EIF2A: variants seen among roughly 807,000 people sequenced by gnomAD.
EIF2A encodes eukaryotic translation initiation factor 2A, also known as 65 kDa eukaryotic translation initiation factor 2A.
In EIF2A, 62 loss-of-function variants were observed where a neutral mutation model predicts 75.2. The ratio of observed to expected loss-of-function variants is 0.82; its 90% CI spans 0.67 to 1.02. EIF2A has a LOEUF of 1.02. EIF2A is among the 50% of genes least tolerant of loss of function. EIF2A has a pLI of 0.00. For missense variants in EIF2A, 611 were observed against 677.7 expected, an observed-to-expected ratio of 0.90 and a Z score of 1.09; for synonymous variants, 207 against 239.0, an observed-to-expected ratio of 0.87 and a Z score of 1.23.
At chr3:150,563,657 T>G (rs1393431716) in intron 5 of EIF2A, 43 bp downstream of exon 5, 1 of 1,336,884 alleles carries the variant, frequency 7.5e-7, no homozygotes, top group South Asian at 1.4e-5. Context: ...CATAGTATTT[T>G]TAATGTCATC....
chr3:150,552,459 A>C (rs1043223694), intron 2 of EIF2A, 34 bp downstream of exon 2: 2 of 1,516,378 alleles, frequency 1.3e-6, no homozygotes, highest in African/African-American at 2.8e-5. Context: ...TGTTATAGGG[A>C]ACATACAGTA....
chr3:150,558,266 TC>T (rs1163920272), intron 2 of EIF2A, 121 bp from the exon 3 acceptor site: 8 of 841,894 alleles, frequency 9.5e-6, no homozygotes, highest in Non-Finnish European at 1.2e-5. Context: ...TTTGGAATTT[TC>T]TGAAATTTGT....
rs1468468812 is a variant in EIF2A at position 150,563,612 on chromosome 3, T to C, written c.390T>C (p.Asn130=). 10 of 1,528,386 alleles carry C rather than the reference T, an allele frequency of 6.5e-6. No individual in the cohort carries two copies. The highest frequency in any genetic ancestry group is 8.8e-6 in the Non-Finnish European group (10 of 1,139,764). The allele number at this position is 1,528,386 out of a possible 1,614,324, so 94.7% of individuals were successfully genotyped here. Reference sequence around the variant, plus strand: ...CTTTCATCCAGAAAAAAATGCAAAATTGGTAAATAAATGGCTTAAAATACT... The same window carrying C: ...CTTTCATCCAGAAAAAAATGCAAAACTGGTAAATAAATGGCTTAAAATACT... The part of the protein sequence containing the change: ...LKSFIQKKMQ[N]WCPSWSEDET... Residue 130 remains asparagine (N), a splice_region_variant and synonymous_variant, in exon 5 of 14, where the codon AAT becomes AAC. Transcript: ENST00000460851.
intron 10 of EIF2A, among the ~76,000 whole-genome samples, chr3:150,574,260 A>T (rs1242810126): frequency 6.6e-6 from 1 of 152,220 alleles, no homozygotes; most frequent in African/African-American, 2.4e-5. Flanking sequence ...CGTAATGAGC[A>T]CATAGTACCA....
At position 150,562,605 on chromosome 3, in the gene EIF2A, T is replaced by A; in HGVS notation, c.237T>A (p.Val79=). The A allele has an allele frequency of 9.3e-6, 15 of 1,613,632 alleles. No homozygotes were observed. Among genetic ancestry groups the A allele is most frequent in the Non-Finnish European group, 1.3e-5 (15 of 1,179,710 alleles). ...LLHSFDLLKA[V]CLEFSPKNTV... ...ACTCCTTCGACCTCCTGAAGGCAGT[T>A]TGCCTTGAATTCTCACCCAAAAATA... Residue 79 remains valine (V), a synonymous_variant, in exon 4 of 14, where the codon GTT becomes GTA. Transcript: ENST00000460851.
At position 150,585,779 on chromosome 3, in the gene EIF2A, GGTAA is replaced by G. The variant is rs1253695135; in HGVS notation, c.*1871_*1874del. 6.6e-6 allele frequency among the ~76,000 whole-genome samples: 1 copy of G among 152,176 alleles called. No homozygotes were observed. The highest frequency in any genetic ancestry group is 1.5e-5 in the Non-Finnish European group (1 of 68,044). On this transcript the variant is annotated 3_prime_UTR_variant, in exon 14 of 14. Coordinates refer to ENST00000460851, the MANE Select transcript of EIF2A (RefSeq NM_032025.5). ...GTATTGGGAGATGGGCCTTTTGGAAGGTAAGTGTGTTTGAATGAGGTGAAGAGGT... is the reference window on the plus strand; with the variant it reads ...GTATTGGGAGATGGGCCTTTTGGAAGGTGTGTTTGAATGAGGTGAAGAGGT...
intron 2 of EIF2A, among the ~76,000 whole-genome samples, chr3:150,554,569 A>C (rs1051438063): frequency 1.3e-5 from 2 of 152,242 alleles, no homozygotes; most frequent in Admixed American, 1.3e-4. Context: ...TCATTAGATC[A>C]GCGGTAGGGC....
intron 11 of EIF2A, among the ~76,000 whole-genome samples, chr3:150,580,996 C>G (rs1387028536): frequency 6.6e-6 from 1 of 152,078 alleles, no homozygotes; most frequent in East Asian, 1.9e-4. Context: ...GTTACTGAAA[C>G]CATGGTTAAG....
chr3:150,580,962 T>G (rs565293219), intron 11 of EIF2A, among the ~76,000 whole-genome samples: 4 of 152,304 alleles, frequency 2.6e-5, no homozygotes, highest in Admixed American at 6.5e-5. Flanking sequence ...CCATGTAATA[T>G]TTTTGGGCTG....
chr3:150,552,501 T>C (rs533341494), intron 2 of EIF2A, 76 bp downstream of exon 2: 1 of 1,275,532 alleles, frequency 7.8e-7, no homozygotes. Context: ...GTGGTGTATT[T>C]TGAACAAGAA....
rs1559879035 is a variant in EIF2A, at chr3:150,564,287, T to C, written c.393-12T>C. ...ATATTTTTTATACTTTTTTTTTTTT[T>C]CATTGACATAGGTGTCCATCCTGGT... On this transcript the variant is annotated splice_polypyrimidine_tract_variant and intron_variant, in intron 5 of 13. Coordinates refer to ENST00000460851, the MANE Select transcript of EIF2A (RefSeq NM_032025.5). 7 of 1,536,622 alleles carry C rather than the reference T, an allele frequency of 4.6e-6. No individual in the cohort carries two copies. Among genetic ancestry groups the C allele is most frequent in the Admixed American group, 2.3e-5 (1 of 42,946 alleles).
At chr3:150,555,156 T>G (rs967391282) in intron 2 of EIF2A, among the ~76,000 whole-genome samples, 13 of 152,076 alleles carry the variant, frequency 8.5e-5, no homozygotes, top group Non-Finnish European at 1.6e-4. Flanking sequence ...CTCCAACTCC[T>G]GGGCTCAAGA....
rs115869344 is a variant in EIF2A, at chr3:150,562,516, G to A, written c.174-26G>A. ...GACTACTATAAAACAGTATTTCATT[G>A]CTGAAATAATTTCTTTTGAAACCAG... is the stretch of plus-strand genomic sequence containing the variant. On this transcript the variant is annotated intron_variant, in intron 3 of 13. Coordinates refer to ENST00000460851, the MANE Select transcript of EIF2A (RefSeq NM_032025.5). 2,796 of 1,517,838 alleles carry A rather than the reference G, an allele frequency of 1.8e-3. 43 individuals are homozygous for A. In the African/African-American group the frequency reaches 0.034, roughly 19 times the overall value. 94.0% of individuals were successfully genotyped at this position (1,517,838 alleles called of 1,614,324 possible).
chr3:150,574,711 CTTAT>C (rs1002174753), intron 10 of EIF2A, among the ~76,000 whole-genome samples: 3 of 152,168 alleles, frequency 2.0e-5, no homozygotes, highest in African/African-American at 7.2e-5. Flanking sequence ...TTTATGGTTT[CTTAT>C]TTATTACTCT....
chr3:150,560,434 A>C (rs1421250937), intron 3 of EIF2A, among the ~76,000 whole-genome samples: 1 of 152,180 alleles, frequency 6.6e-6, no homozygotes, highest in Non-Finnish European at 1.5e-5. Flanking sequence ...ACTAAGAATA[A>C]CTCTTAAAGA....
At chr3:150,571,812 T>G in intron 9 of EIF2A, 146 bp from the exon 10 acceptor site, 2 of 665,184 alleles carry the variant, frequency 3.0e-6, no homozygotes, top group South Asian at 4.3e-5. Context: ...CCCTAGTATA[T>G]AATGTAAGAG....
chr3:150,550,318 T>C (rs1201536456), intron 1 of EIF2A, among the ~76,000 whole-genome samples: 1 of 152,196 alleles, frequency 6.6e-6, no homozygotes, highest in East Asian at 1.9e-4. Context: ...AAGGATTCCT[T>C]GTTAGAAAGT....
At position 150,568,227 on chromosome 3, in the gene EIF2A, C is replaced by T; in HGVS notation, c.746C>T (p.Ser249Phe). 6.2e-7 allele frequency: 1 copy of T among 1,613,710 alleles called. No homozygotes were observed. The highest frequency in any genetic ancestry group is 1.1e-5 in the South Asian group (1 of 91,036). Reference sequence around the variant, plus strand: ...ACAGATGTTGACAAGACAGGAGCTTCCTACTATGGAGAACAAACTCTACAC... The same window carrying T: ...ACAGATGTTGACAAGACAGGAGCTTTCTACTATGGAGAACAAACTCTACAC... The part of the protein sequence containing the change: ...ASTDVDKTGA[S>F]YYGEQTLHYI... Residue 249 changes from serine to phenylalanine, a missense_variant, in exon 9 of 14, where the codon TCC becomes TTC. Ser to Phe is a radical substitution (Grantham distance 155, BLOSUM62 -2). Coordinates refer to ENST00000460851, the MANE Select transcript of EIF2A (RefSeq NM_032025.5).
intron 11 of EIF2A, among the ~76,000 whole-genome samples, chr3:150,576,861 C>T (rs1289615555): frequency 6.6e-6 from 1 of 152,220 alleles, no homozygotes; most frequent in Non-Finnish European, 1.5e-5. Flanking sequence ...TGAAAAGCCA[C>T]ACCAGTGTAA....
Sources: gnomAD v4.1 joint callset for allele counts (sites outside exome capture counted in the v4.1 genomes callset) on GRCh38, gnomAD v4.1.1 for gene constraint, MANE v1.5 for transcripts, NCBI Gene and HGNC (gene_info 2026-07-23, HGNC 2026-07-21) for gene names.